The following ANO3 variants were observed in gnomAD, a reference collection of about 807,000 sequenced individuals.
ANO3 encodes the protein anoctamin 3.
In ANO3, 99 loss-of-function variants were observed where a neutral mutation model predicts 144.8. The observed-to-expected ratio is 0.68, with a 90% confidence interval of 0.58 to 0.81. The LOEUF is 0.81. ANO3 is among the 30% of genes least tolerant of loss of function. ANO3 has a pLI of 0.00. For missense variants in ANO3, 905 were observed against 1,202.2 expected, an observed-to-expected ratio of 0.75 and a Z score of 3.66; for synonymous variants, 414 against 392.6, an observed-to-expected ratio of 1.05 and a Z score of -0.64.
At chr11:26,306,178 G>T (rs551987929), upstream of ANO3, among the ~76,000 whole-genome samples, 3 of 137,916 alleles carry the variant, frequency 2.2e-5, no homozygotes, top group African/African-American at 8.1e-5. Context: ...GTTTCACCGT[G>T]TTAGCCAGGA....
At chr11:26,459,979 T>C (rs1198632516) in intron 3 of ANO3, 2 of 300,386 alleles carry the variant, frequency 6.7e-6, no homozygotes, top group Non-Finnish European at 1.3e-5. Flanking sequence ...CCAGTTGTGC[T>C]GTTTTGCTCT....
chr11:26,624,053 T>C (rs1852503338), intron 17 of ANO3, among the ~76,000 whole-genome samples: 1 of 152,208 alleles, frequency 6.6e-6, no homozygotes, highest in Admixed American at 6.5e-5. Context: ...CCCAAAGTGC[T>C]GGGATTACAG....
intron 17 of ANO3, among the ~76,000 whole-genome samples, chr11:26,604,305 G>T (rs293957): frequency 0.12 from 17,600 of 152,100 alleles, 1,166 homozygotes; most frequent in Admixed American, 0.21. Context: ...TGCTGTTTTG[G>T]TTACTGTAGC....
chr11:26,269,657 C>T (rs564005931), intron 1 of ANO3, among the ~76,000 whole-genome samples: 34 of 152,328 alleles, frequency 2.2e-4, no homozygotes, highest in African/African-American at 7.9e-4. Flanking sequence ...CTGGCTCTCT[C>T]AGTCATCATC....
chr11:26,601,583 A>G (rs1851800916), intron 17 of ANO3, among the ~76,000 whole-genome samples: 1 of 152,254 alleles, frequency 6.6e-6, no homozygotes, highest in African/African-American at 2.4e-5. Context: ...ATATGGTAGT[A>G]TATATAAGAT....
chr11:26,255,776 A>G (rs1326214632), intron 1 of ANO3, among the ~76,000 whole-genome samples: 1 of 152,122 alleles, frequency 6.6e-6, no homozygotes, highest in Non-Finnish European at 1.5e-5. Flanking sequence ...GGGTTCCTGG[A>G]GCAAACAACT....
intron 1 of ANO3, among the ~76,000 whole-genome samples, chr11:26,373,103 G>GAC (rs201382854): frequency 6.6e-6 from 1 of 151,964 alleles, no homozygotes; most frequent in Admixed American, 6.6e-5. Flanking sequence ...TATACGGGCA[G>GAC]ACACACACAC....
chr11:26,254,059 A>G (rs1324824150), intron 1 of ANO3, among the ~76,000 whole-genome samples: 1 of 152,198 alleles, frequency 6.6e-6, no homozygotes, highest in East Asian at 1.9e-4. Flanking sequence ...CAGCACACTG[A>G]TTCTGTTTTA....
intron 1 of ANO3, among the ~76,000 whole-genome samples, chr11:26,363,794 C>G (rs1477278909): frequency 6.6e-6 from 1 of 150,818 alleles, no homozygotes; most frequent in Non-Finnish European, 1.5e-5. Context: ...TTAGTGATAA[C>G]TGCAGATTTT....
At chr11:26,539,140 ACAC>A (rs1320520987) in intron 10 of ANO3, among the ~76,000 whole-genome samples, 4 of 1,416 alleles carry the variant, frequency 2.8e-3, no homozygotes, top group African/African-American at 3.2e-3. Context: ...AAATACACAC[ACAC>A]ACACACACAC....
intron 1 of ANO3, among the ~76,000 whole-genome samples, chr11:26,396,994 A>C (rs1389202416): frequency 6.7e-6 from 1 of 149,706 alleles, no homozygotes; most frequent in East Asian, 2.0e-4. Flanking sequence ...CCTCTCACAG[A>C]AAAAAAACAA....
intron 18 of ANO3, among the ~76,000 whole-genome samples, chr11:26,633,051 TC>T (rs1385891175): frequency 6.6e-6 from 1 of 152,178 alleles, no homozygotes; most frequent in Non-Finnish European, 1.5e-5. Context: ...GACTTGGAGT[TC>T]CCCAGGACCT....
At chr11:26,276,439 T>C (rs1039326048) in intron 1 of ANO3, among the ~76,000 whole-genome samples, 2 of 152,154 alleles carry the variant, frequency 1.3e-5, no homozygotes, top group Non-Finnish European at 2.9e-5. Flanking sequence ...TATAACTCTT[T>C]GCTCTTTCCA....
At position 26,659,044 on chromosome 11, in the gene ANO3, C is replaced by A. The variant is rs553847042; in HGVS notation, c.2764-1218C>A. ...ATAATAACAGGAGGTAATATTTAAG[C>A]AGGGCTCACACTATGACAAGCAATC... On this transcript the variant is annotated intron_variant, in intron 26 of 26. Coordinates refer to ENST00000256737, the MANE Select transcript of ANO3 (RefSeq NM_031418.4). Among the ~76,000 whole-genome samples, 4 of 151,634 alleles carry A rather than the reference C, an allele frequency of 2.6e-5. No individual in the cohort carries two copies. In the East Asian group the frequency reaches 7.8e-4, roughly 30 times the overall value.
intron 1 of ANO3, among the ~76,000 whole-genome samples, chr11:26,289,441 A>AAT (rs201993311): frequency 0.018 from 2,667 of 149,212 alleles, 52 homozygotes; most frequent in East Asian, 0.11. Context: ...AATAATCCTT[A>AAT]ATATATATAT....
chr11:26,367,330 G>A (rs1191999870), intron 1 of ANO3, among the ~76,000 whole-genome samples: 1 of 152,134 alleles, frequency 6.6e-6, no homozygotes, highest in Non-Finnish European at 1.5e-5. Flanking sequence ...GACATGAACA[G>A]AATGCACCAA....
intron 19 of ANO3, among the ~76,000 whole-genome samples, chr11:26,634,806 T>C (rs533048139): frequency 2.6e-5 from 4 of 152,222 alleles, no homozygotes; most frequent in Non-Finnish European, 5.9e-5. Flanking sequence ...TTGGTTTGTC[T>C]GTACTTTCTT....
At chr11:26,502,430 A>G (rs1439519311) in intron 4 of ANO3, among the ~76,000 whole-genome samples, 2 of 152,146 alleles carry the variant, frequency 1.3e-5, no homozygotes. Context: ...ATTAGATTCC[A>G]AGTATGTCTG....
At chr11:26,467,693 A>C (rs1304399932) in intron 4 of ANO3, among the ~76,000 whole-genome samples, 1 of 150,952 alleles carries the variant, frequency 6.6e-6, no homozygotes, top group African/African-American at 2.4e-5. Flanking sequence ...GTTGATGGAC[A>C]CTTGGGTTGC....
Sources: allele counts gnomAD v4.1 joint callset (sites outside exome capture counted in the v4.1 genomes callset), GRCh38; gene constraint gnomAD v4.1.1; transcripts MANE v1.5; gene names NCBI Gene and HGNC (gene_info 2026-07-23, HGNC 2026-07-21).